Variants in MAP4K4 observed in about 807,000 individuals in gnomAD.
MAP4K4 encodes HPK/GCK-like kinase HGK.
MAP4K4 carries 38 observed loss-of-function variants against 189.6 expected under a neutral mutation model. That is an observed-to-expected ratio of 0.20 (90% CI 0.15 to 0.26). MAP4K4 has a LOEUF of 0.26. Ranked by LOEUF, MAP4K4 falls within the 10% of genes least tolerant of loss-of-function variation. The pLI is 1.00. For missense variants in MAP4K4, 1,054 were observed against 1,726.9 expected, an observed-to-expected ratio of 0.61 and a Z score of 6.91; for synonymous variants, 610 against 624.3, an observed-to-expected ratio of 0.98 and a Z score of 0.34.
intron 2 of MAP4K4, among the ~76,000 whole-genome samples, chr2:101,783,136 C>T (rs1157672020): frequency 6.6e-6 from 1 of 152,114 alleles, no homozygotes; most frequent in African/African-American, 2.4e-5. Context: ...AATGGACAGA[C>T]CAGGTTTGGC....
chr2:101,711,879 G>T (rs1280383713), intron 2 of MAP4K4, among the ~76,000 whole-genome samples: 5 of 151,348 alleles, frequency 3.3e-5, no homozygotes, highest in Non-Finnish European at 7.4e-5. Context: ...TTTTAAATAG[G>T]ATGCTTATTT....
intron 12 of MAP4K4, among the ~76,000 whole-genome samples, chr2:101,849,651 G>T (rs2097217534): frequency 6.9e-6 from 1 of 144,384 alleles, no homozygotes. Flanking sequence ...ATTGAATCAT[G>T]GTTTGGCATC....
Position 101,808,005 on chromosome 2 carries a change from A to G in MAP4K4, c.181-15923A>G, listed in dbSNP as rs76578058. Among the ~76,000 whole-genome samples, 855 of 152,340 alleles carry G rather than the reference A, an allele frequency of 5.6e-3. 7 individuals are homozygous for G. The highest frequency in any genetic ancestry group is 0.019 in the African/African-American group (804 of 41,572). ...GTTTGACCTGAGATTTGGGCTGGGA[A>G]GCATACCCAAACTGTACCACCAAAG... On this transcript the variant is annotated intron_variant, in intron 3 of 32. Coordinates refer to ENST00000324219, the Ensembl canonical transcript of MAP4K4.
intron 3 of MAP4K4, among the ~76,000 whole-genome samples, chr2:101,799,387 A>G (rs751282967): frequency 6.6e-6 from 1 of 152,070 alleles, no homozygotes; most frequent in Non-Finnish European, 1.5e-5. Flanking sequence ...AACACTCCCA[A>G]TACCCTCCTC....
chr2:101,752,601 A>G (rs893865625), intron 2 of MAP4K4, among the ~76,000 whole-genome samples: 2 of 152,200 alleles, frequency 1.3e-5, no homozygotes, highest in African/African-American at 4.8e-5. Flanking sequence ...AGAGGATGAC[A>G]TTGATGGTGC....
exon 17 of MAP4K4, chr2:101,864,036 C>T (rs754674926): frequency 5.9e-6 from 8 of 1,363,926 alleles, no homozygotes; most frequent in Admixed American, 1.9e-5. Context: ...CAGACAGTGA[C>T]GAGGTGCCTC....
rs544206259 is a variant in MAP4K4 at position 101,725,933 on chromosome 2, C to T, written c.123+27395C>T. On this transcript the variant is annotated intron_variant, in intron 2 of 32. Transcript: ENST00000324219. ...CCCTTACAACCTATTTTTTTGTGGC[C>T]ACTTCACGTTTATTTTGGCAGAAAT... 1.1e-4 allele frequency among the ~76,000 whole-genome samples: 17 copies of T among 152,206 alleles called. No homozygotes were observed. The South Asian group carries it at 3.5e-3, about 32-fold the overall frequency.
intron 2 of MAP4K4, among the ~76,000 whole-genome samples, chr2:101,706,703 G>A (rs1486406061): frequency 6.6e-6 from 1 of 152,132 alleles, no homozygotes; most frequent in Non-Finnish European, 1.5e-5. Flanking sequence ...GTTGCCCCTG[G>A]ACCTGGCATG....
At chr2:101,745,120 A>AT (rs1238677366) in intron 2 of MAP4K4, among the ~76,000 whole-genome samples, 2 of 152,056 alleles carry the variant, frequency 1.3e-5, no homozygotes, top group African/African-American at 4.8e-5. Flanking sequence ...TTGGGACTTG[A>AT]TTTTTTGACA....
At chr2:101,864,780 A>T (rs2097768161) in intron 17 of MAP4K4, 150 bp from the exon 18 acceptor site, 4 of 613,780 alleles carry the variant, frequency 6.5e-6, no homozygotes, top group Non-Finnish European at 5.9e-6. Flanking sequence ...TCAGTGTAGG[A>T]CCAGGGAAGG....
At chr2:101,854,478 A>G (rs979885152) in intron 12 of MAP4K4, among the ~76,000 whole-genome samples, 12 of 152,198 alleles carry the variant, frequency 7.9e-5, no homozygotes, top group Non-Finnish European at 1.6e-4. Flanking sequence ...GAGAGGCGGA[A>G]CCAAAAGCAG....
At chr2:101,767,313 T>C (rs187890925) in intron 2 of MAP4K4, among the ~76,000 whole-genome samples, 1 of 152,316 alleles carries the variant, frequency 6.6e-6, no homozygotes, top group East Asian at 1.9e-4. Context: ...AAATATGTTA[T>C]CTCACTGGGA....
At chr2:101,862,659 G>A (rs2097701289) in intron 16 of MAP4K4, among the ~76,000 whole-genome samples, 1 of 152,126 alleles carries the variant, frequency 6.6e-6, no homozygotes, top group African/African-American at 2.4e-5. Flanking sequence ...TCCTCCTCCT[G>A]TTCATTCTTT....
At chr2:101,830,807 C>T (rs945678170) in intron 6 of MAP4K4, among the ~76,000 whole-genome samples, 122 of 152,182 alleles carry the variant, frequency 8.0e-4, no homozygotes, top group African/African-American at 2.9e-3. Flanking sequence ...CTGTGATGCT[C>T]GCTTAGGCTT....
At chr2:101,840,511 G>C (rs2096885001) in intron 10 of MAP4K4, among the ~76,000 whole-genome samples, 1 of 152,154 alleles carries the variant, frequency 6.6e-6, no homozygotes, top group Admixed American at 6.5e-5. Flanking sequence ...AAATAATGAA[G>C]GTTCTTTTCT....
chr2:101,863,777 T>G, intron 16 of MAP4K4, 44 bp from the exon 17 acceptor site: 2 of 1,303,018 alleles, frequency 1.5e-6, no homozygotes, highest in Non-Finnish European at 2.1e-6. Context: ...AAGCCAGTTT[T>G]ATGCAGAACG....
chr2:101,889,007 A>T (rs2150335623), intron 32 of MAP4K4, 72 bp downstream of exon 32: 1 of 1,296,110 alleles, frequency 7.7e-7, no homozygotes, highest in East Asian at 2.5e-5. Flanking sequence ...ATGGAGTTTG[A>T]TGATTAATTT....
rs1189211034 is a variant in MAP4K4, at chr2:101,824,366, CTTTA to C, written c.306+319_306+322del. Among the ~76,000 whole-genome samples, 3 of 152,092 alleles carry C rather than the reference CTTTA, an allele frequency of 2.0e-5. No individual in the cohort carries two copies. The East Asian group carries it at 5.8e-4, about 29-fold the overall frequency. On this transcript the variant is annotated intron_variant, in intron 4 of 32. Coordinates refer to ENST00000324219, the Ensembl canonical transcript of MAP4K4. ...GAGCTTGAAAGCAATACAATAAAAA[CTTTA>C]TTTATGGGAACAAAATTAATTTGAA...
At chr2:101,850,385 G>A (rs2097245677) in intron 12 of MAP4K4, among the ~76,000 whole-genome samples, 1 of 152,180 alleles carries the variant, frequency 6.6e-6, no homozygotes, top group Admixed American at 6.5e-5. Context: ...TTAATAAACT[G>A]TGCCATGCAT....
Sources: allele counts gnomAD v4.1 joint callset (sites outside exome capture counted in the v4.1 genomes callset), GRCh38; gene constraint gnomAD v4.1.1; transcripts MANE v1.5; gene names NCBI Gene and HGNC (gene_info 2026-07-23, HGNC 2026-07-21).